Variants in RARA observed in about 807,000 individuals in gnomAD.
RARA encodes the protein retinoic acid receptor alpha.
Under a neutral mutation model 42.8 loss-of-function variants are expected in RARA, and 5 were observed. The ratio of observed to expected loss-of-function variants is 0.12; its 90% confidence interval spans 0.06 to 0.25. The LOEUF is 0.25. RARA is among the 10% of genes least tolerant of loss of function. RARA has a pLI of 1.00. For synonymous variants in RARA, 256 were observed against 259.5 expected, an observed-to-expected ratio of 0.99 and a Z score of 0.13; for missense variants, 402 against 628.7, an observed-to-expected ratio of 0.64 and a Z score of 3.86.
At chr17:40,337,658 G>A (rs1422410529) in intron 2 of RARA, among the ~76,000 whole-genome samples, 1 of 152,248 alleles carries the variant, frequency 6.6e-6, no homozygotes, top group African/African-American at 2.4e-5. Flanking sequence ...CAAAGAAGTT[G>A]CAAGCCATCA....
intron 2 of RARA, among the ~76,000 whole-genome samples, chr17:40,346,557 C>T (rs1015213633): frequency 2.0e-5 from 3 of 151,098 alleles, no homozygotes; most frequent in Non-Finnish European, 3.0e-5. Flanking sequence ...ACTGCTTTTA[C>T]GTCTTGGAAA....
At chr17:40,328,987 C>G (rs1376855701) in intron 1 of RARA, among the ~76,000 whole-genome samples, 1 of 152,166 alleles carries the variant, frequency 6.6e-6, no homozygotes, top group Non-Finnish European at 1.5e-5. Flanking sequence ...GAGGAACTGC[C>G]AAACTGTTTT....
chr17:40,342,970 T>C, intron 2 of RARA: 1 of 1,488,172 alleles, frequency 6.7e-7, no homozygotes. Flanking sequence ...GTGGAGGTCC[T>C]GTCTCTACCT....
At chr17:40,311,715 C>T (rs1428690747) in intron 1 of RARA, among the ~76,000 whole-genome samples, 2 of 152,260 alleles carry the variant, frequency 1.3e-5, no homozygotes, top group Middle Eastern at 3.4e-3. Flanking sequence ...GTGCAGGGCT[C>T]CCCTGCAGGG....
At chr17:40,315,284 T>C (rs1363316342) in intron 1 of RARA, among the ~76,000 whole-genome samples, 1 of 151,380 alleles carries the variant, frequency 6.6e-6, no homozygotes, top group Non-Finnish European at 1.5e-5. Context: ...AAGCAACTCC[T>C]GGCGTCCCAT....
rs2034644107 is a variant in RARA at position 40,356,694 on chromosome 17, A to G, written c.*468A>G. The G allele has an allele frequency of 3.7e-6, 2 of 540,338 alleles. No individual in the cohort carries two copies. Among genetic ancestry groups the G allele is most frequent in the East Asian group, 7.7e-5 (2 of 25,938 alleles). 33.5% of individuals were successfully genotyped at this position (540,338 alleles called of 1,614,324 possible). A position where few individuals can be genotyped will look rare whatever the true frequency, so the allele number is the denominator to read the frequency against. ...CAGGGGCGGGGGGTTCCCCCTGTAC[A>G]TACCCTGCCATACCAACCCCAGGTA... On this transcript the variant is annotated 3_prime_UTR_variant, in exon 9 of 9. Transcript: ENST00000254066.
At chr17:40,321,415 T>C (rs1427333258) in intron 1 of RARA, among the ~76,000 whole-genome samples, 1 of 151,956 alleles carries the variant, frequency 6.6e-6, no homozygotes, top group Non-Finnish European at 1.5e-5. Context: ...TGCCTGTTCC[T>C]GGAATTTGGA....
At chr17:40,312,865 C>T (rs950999173) in intron 1 of RARA, among the ~76,000 whole-genome samples, 1 of 152,116 alleles carries the variant, frequency 6.6e-6, no homozygotes, top group African/African-American at 2.4e-5. Context: ...GAACCCAGGC[C>T]CTCCCTTTGC....
rs1310734574 is a variant in RARA, at chr17:40,356,587, C to T, written c.*361C>T. On this transcript the variant is annotated 3_prime_UTR_variant, in exon 9 of 9. Coordinates refer to ENST00000254066, the MANE Select transcript of RARA (RefSeq NM_000964.4). ...AAACGCCAGGACTTGGCTCCCCCATCCTCAGAACTCACAAGCCATTGCTCC... is the reference window on the plus strand; with the variant it reads ...AAACGCCAGGACTTGGCTCCCCCATTCTCAGAACTCACAAGCCATTGCTCC... 2 of 568,186 alleles carry T rather than the reference C, an allele frequency of 3.5e-6. No individual in the cohort carries two copies. Among genetic ancestry groups the T allele is most frequent in the Non-Finnish European group, 6.7e-6 (2 of 298,494 alleles). The allele number at this position is 568,186 out of a possible 1,614,324, so 35.2% of individuals were successfully genotyped here.
chr17:40,332,287 A>G (rs35286757), intron 2 of RARA, among the ~76,000 whole-genome samples: 38,111 of 151,802 alleles, frequency 0.25, 7,066 homozygotes, highest in African/African-American at 0.52. Flanking sequence ...GGGACGGGAG[A>G]GGGTGGAAGC....
intron 2 of RARA, among the ~76,000 whole-genome samples, chr17:40,333,457 C>T (rs994453087): frequency 2.0e-5 from 3 of 152,078 alleles, no homozygotes; most frequent in Non-Finnish European, 4.4e-5. Flanking sequence ...TGCCTCATCC[C>T]GAGTAGCTGT....
intron 1 of RARA, among the ~76,000 whole-genome samples, chr17:40,312,353 G>A (rs374326513): frequency 6.6e-6 from 1 of 152,376 alleles, no homozygotes; most frequent in South Asian, 2.1e-4. Context: ...GGATGGCCAA[G>A]TTGGCGCTAG....
In RARA at chr17:40,349,910, G is replaced by A; in HGVS notation, c.454G>A (p.Gly152Ser). Residue 152 changes from glycine to serine, a missense_variant, in exon 4 of 9, where the codon GGC (glycine) becomes AGC (serine). Gly to Ser is a moderately conservative substitution (Grantham distance 56). Transcript: ENST00000254066. The part of the protein sequence containing the change: ...YCRLQKCFEV[G>S]MSKESVRNDR... ...CCGACTGCAGAAGTGCTTTGAAGTGGGCATGTCCAAGGAGTGTGAGTGCCA... is the reference window on the plus strand; with the variant it reads ...CCGACTGCAGAAGTGCTTTGAAGTGAGCATGTCCAAGGAGTGTGAGTGCCA... 1 of 1,614,158 alleles carries A rather than the reference G, an allele frequency of 6.2e-7. No individual in the cohort carries two copies. The highest frequency in any genetic ancestry group is 8.5e-7 in the Non-Finnish European group (1 of 1,179,984).
rs796068435 is a variant in RARA, at chr17:40,345,754, TCC to T, written c.179-2558_179-2557del. Among the ~76,000 whole-genome samples, 1 of 152,112 alleles carries T rather than the reference TCC, an allele frequency of 6.6e-6. No individual in the cohort carries two copies. The highest frequency in any genetic ancestry group is 6.5e-5 in the Admixed American group (1 of 15,286). On this transcript the variant is annotated intron_variant, in intron 2 of 8. Transcript: ENST00000254066. This position sits in a 1 kb window ranked among gnomAD's most constrained non-coding sequence, Gnocchi z 4.8. ...GGATGGGCCAGGCCCGGGCAGTCCC[TCC>T]CCCGTTGGTGTCCCTCCCCACTCCA...
At chr17:40,321,857 G>A (rs1425441568) in intron 1 of RARA, among the ~76,000 whole-genome samples, 2 of 152,144 alleles carry the variant, frequency 1.3e-5, no homozygotes, top group African/African-American at 2.4e-5. Flanking sequence ...CCCTTCTGCC[G>A]GAACAAGGGA....
intron 1 of RARA, among the ~76,000 whole-genome samples, chr17:40,316,888 C>G (rs946375935): frequency 6.6e-6 from 1 of 152,148 alleles, no homozygotes; most frequent in East Asian, 1.9e-4. Flanking sequence ...TCCGGCCCAG[C>G]AGGCGGGAAG....
At position 40,356,172 on chromosome 17, in the gene RARA, C is replaced by T. The variant is rs777592493; in HGVS notation, c.1335C>T (p.Ser445=). Residue 445 remains serine, a synonymous_variant, in exon 9 of 9, where the codon AGC becomes AGT. Transcript: ENST00000254066. ...TGGCCCCCCCGCCAGGCAGCTGTAG[C>T]CCCAGCCTCAGCCCCAGCTCCAACA... ...GGLAPPPGSC[S]PSLSPSSNRS... The T allele has an allele frequency of 1.3e-6, 2 of 1,551,428 alleles. No homozygotes were observed. The highest frequency in any genetic ancestry group is 2.0e-5 in the Admixed American group (1 of 51,078).
Position 40,352,133 on chromosome 17 carries a change from C to T in RARA, c.630+63C>T. ...CAGGGCCACAGGGCCAGGATGGGCCCCTCTCAGGCACCCCTTCTTGTGCCA... is the reference window on the plus strand; with the variant it reads ...CAGGGCCACAGGGCCAGGATGGGCCTCTCTCAGGCACCCCTTCTTGTGCCA... On this transcript the variant is annotated intron_variant, in intron 5 of 8. Transcript: ENST00000254066. This position sits in a 1 kb window ranked among gnomAD's most constrained non-coding sequence, Gnocchi z 4.9. 6.8e-7 allele frequency: 1 copy of T among 1,478,470 alleles called. No homozygotes were observed. Among genetic ancestry groups the T allele is most frequent in the Non-Finnish European group, 8.9e-7 (1 of 1,117,874 alleles). 91.6% of individuals were successfully genotyped at this position (1,478,470 alleles called of 1,614,324 possible).
Position 40,352,085 on chromosome 17 carries a change from C to CG in RARA, c.630+17dup. 1.3e-6 allele frequency: 2 copies of CG among 1,545,458 alleles called. No individual in the cohort carries two copies. Among genetic ancestry groups the CG allele is most frequent in the East Asian group, 4.7e-5 (2 of 42,786 alleles). On this transcript the variant is annotated intron_variant, in intron 5 of 8. Coordinates refer to ENST00000254066, the MANE Select transcript of RARA (RefSeq NM_000964.4). The surrounding 1 kb of genome is among the most constrained non-coding windows in gnomAD (Gnocchi z 4.9). ...AATACACTACGGTATGGCTTTCCCC[C>CG]GGCCTGCAGGGTGGGATTTGCCCAG...
Sources: gnomAD v4.1 joint callset for allele counts (sites outside exome capture counted in the v4.1 genomes callset) on GRCh38, gnomAD v4.1.1 for gene constraint, Gnocchi (gnomAD v3.1) non-coding constraint, MANE v1.5 for transcripts, NCBI Gene and HGNC (gene_info 2026-07-23, HGNC 2026-07-21) for gene names.